The following KAZN variants were observed in gnomAD, a reference collection of about 807,000 sequenced individuals.
The protein encoded by KAZN is kazrin.
In KAZN, 40 loss-of-function variants were observed where a neutral mutation model predicts 87.4. The observed-to-expected ratio is 0.46, with a 90% CI of 0.36 to 0.60. KAZN has a LOEUF of 0.60. Among genes scored for constraint, KAZN ranks in the 20% least tolerant of loss-of-function variants. KAZN has a pLI of 0.00. For missense variants in KAZN, 898 were observed against 1,073.9 expected (o/e 0.84, Z 2.29); for synonymous variants, 466 against 458.3 (o/e 1.02, Z -0.22).
chr1:13,933,641 C>G (rs566807994), intron 1 of KAZN, among the ~76,000 whole-genome samples: 5 of 152,364 alleles, frequency 3.3e-5, no homozygotes, highest in African/African-American at 1.2e-4. Flanking sequence ...AAACCCAAAT[C>G]CAGCCCTCAT....
chr1:14,574,460 A>G (rs913022168), intron 2 of KAZN, among the ~76,000 whole-genome samples: 3 of 152,164 alleles, frequency 2.0e-5, no homozygotes, highest in Admixed American at 6.5e-5. Flanking sequence ...GGACTGTGGT[A>G]GTGAATAAGT....
intron 1 of KAZN, among the ~76,000 whole-genome samples, chr1:14,117,886 A>C (rs1278193242): frequency 3.9e-5 from 6 of 152,198 alleles, no homozygotes; most frequent in Non-Finnish European, 8.8e-5. Flanking sequence ...GAGAAGGCCC[A>C]GTCTGGTTTC....
intron 2 of KAZN, among the ~76,000 whole-genome samples, chr1:14,277,662 GAAAAAAAAAAAAA>G (rs368768615): frequency 8.9e-6 from 1 of 112,352 alleles, no homozygotes; most frequent in East Asian, 2.7e-4. Context: ...ACTCCCTCTT[GAAAAAAAAAAAAA>G]AAGAAAAAAG....
chr1:14,383,282 G>A (rs1209305048), intron 2 of KAZN, among the ~76,000 whole-genome samples: 1 of 149,244 alleles, frequency 6.7e-6, no homozygotes, highest in African/African-American at 2.5e-5. Context: ...TCACTCTGAT[G>A]GTAGTTTCTT....
At chr1:13,921,496 G>C (rs973007983) in intron 1 of KAZN, among the ~76,000 whole-genome samples, 2 of 152,222 alleles carry the variant, frequency 1.3e-5, no homozygotes, top group Non-Finnish European at 2.9e-5. Context: ...ACTGACATCT[G>C]TTCTAATCCA....
At chr1:13,966,754 T>C (rs1641961315) in intron 1 of KAZN, among the ~76,000 whole-genome samples, 1 of 152,218 alleles carries the variant, frequency 6.6e-6, no homozygotes, top group African/African-American at 2.4e-5. Flanking sequence ...CACAGTATAA[T>C]ATATGGCATT....
chr1:14,738,039 TG>T, intron 1 of KAZN, among the ~76,000 whole-genome samples: 1 of 152,300 alleles, frequency 6.6e-6, no homozygotes, highest in Admixed American at 6.5e-5. Context: ...GAGGAAATCT[TG>T]GGGGTTTAGA....
chr1:14,078,177 T>G (rs1231917405), intron 1 of KAZN, among the ~76,000 whole-genome samples: 1 of 152,206 alleles, frequency 6.6e-6, no homozygotes, highest in Non-Finnish European at 1.5e-5. Context: ...TCAGGACACA[T>G]GGCTGGCACT....
intron 1 of KAZN, among the ~76,000 whole-genome samples, chr1:13,993,086 G>A (rs563165082): frequency 1.5e-4 from 23 of 152,146 alleles, no homozygotes; most frequent in Admixed American, 3.9e-4. Context: ...TTTAGCTAAG[G>A]CCATGTGAAT....
chr1:14,596,114 G>T (rs896296497), upstream of KAZN, among the ~76,000 whole-genome samples: 1 of 152,096 alleles, frequency 6.6e-6, no homozygotes, highest in Non-Finnish European at 1.5e-5. Flanking sequence ...ACACTCACAC[G>T]CATTCATTTA....
chr1:14,040,035 ATG>A (rs1466905312), intron 1 of KAZN, among the ~76,000 whole-genome samples: 2 of 151,642 alleles, frequency 1.3e-5, no homozygotes, highest in African/African-American at 2.4e-5. Context: ...GTGGAAAAGG[ATG>A]TGTGTGTGCA....
chr1:14,386,666 T>A (rs1661923299), intron 2 of KAZN, among the ~76,000 whole-genome samples: 1 of 152,156 alleles, frequency 6.6e-6, no homozygotes, highest in Admixed American at 6.5e-5. Context: ...GTTTGTAGAG[T>A]TTCTGCCGAG....
chr1:14,862,182 C>G (rs1423559067), intron 1 of KAZN, among the ~76,000 whole-genome samples: 1 of 152,170 alleles, frequency 6.6e-6, no homozygotes, highest in Non-Finnish European at 1.5e-5. Flanking sequence ...GAGATTCGCA[C>G]AGATCTCAAA....
rs1424489871 is a variant in KAZN at position 14,856,322 on chromosome 1, A to G, written c.227-104362A>G. 6.6e-6 allele frequency among the ~76,000 whole-genome samples: 1 copy of G among 152,212 alleles called. No individual in the cohort carries two copies. The highest frequency in any genetic ancestry group is 1.5e-5 in the Non-Finnish European group (1 of 68,034). On this transcript the variant is annotated intron_variant, in intron 1 of 14. Transcript: ENST00000376030. The surrounding 1 kb of genome is among the most constrained non-coding windows in gnomAD (Gnocchi z 5.2). Reference sequence around the variant, plus strand: ...TATGGGTACCTATGCATTCATGCCTAAGTGTGAGCTTGAACTGTACCAACC... The same window carrying G: ...TATGGGTACCTATGCATTCATGCCTGAGTGTGAGCTTGAACTGTACCAACC...
upstream of KAZN, among the ~76,000 whole-genome samples, chr1:14,597,447 G>T (rs141784564): frequency 4.6e-5 from 7 of 152,264 alleles, no homozygotes; most frequent in East Asian, 1.4e-3. Flanking sequence ...TTCCAGTCCC[G>T]CTGTCACCTG....
intron 1 of KAZN, among the ~76,000 whole-genome samples, chr1:14,842,553 C>T (rs1648146675): frequency 6.6e-6 from 1 of 152,206 alleles, no homozygotes. Context: ...GAAATATTCC[C>T]ACCAGAGTGT....
chr1:14,420,594 G>T (rs931923010), intron 2 of KAZN, among the ~76,000 whole-genome samples: 1 of 152,218 alleles, frequency 6.6e-6, no homozygotes, highest in African/African-American at 2.4e-5. Flanking sequence ...AGGAGCCCAC[G>T]GCAGGAGTGG....
intron 2 of KAZN, among the ~76,000 whole-genome samples, chr1:14,263,694 G>T (rs201109389): frequency 2.0e-5 from 3 of 152,316 alleles, no homozygotes; most frequent in East Asian, 3.9e-4. Flanking sequence ...TAACAGAAAG[G>T]ATGGTTTGGG....
chr1:13,958,090 C>T (rs1207735122), intron 1 of KAZN, among the ~76,000 whole-genome samples: 1 of 152,128 alleles, frequency 6.6e-6, no homozygotes, highest in African/African-American at 2.4e-5. Context: ...AAGCATTTAC[C>T]ATGTGCTGGG....
Sources: allele counts gnomAD v4.1 joint callset (sites outside exome capture counted in the v4.1 genomes callset), GRCh38; gene constraint gnomAD v4.1.1; non-coding constraint Gnocchi (gnomAD v3.1); transcripts MANE v1.5; gene names NCBI Gene and HGNC (gene_info 2026-07-23, HGNC 2026-07-21).